The following EXOC4 variants were observed in gnomAD, a reference collection of about 807,000 sequenced individuals.
The protein encoded by EXOC4 is exocyst complex component 4.
In EXOC4, 71 loss-of-function variants were observed where a neutral mutation model predicts 107.2. That is an observed-to-expected ratio of 0.66 (90% CI 0.55 to 0.81). The LOEUF is 0.81. EXOC4 is among the 30% of genes least tolerant of loss of function. EXOC4 has a pLI of 0.00. For missense variants in EXOC4, 1,108 were observed against 1,189.6 expected (o/e 0.93, Z 1.01); for synonymous variants, 456 against 441.2 (o/e 1.03, Z -0.42).
chr7:133,925,695 A>G (rs1305777462), intron 13 of EXOC4, among the ~76,000 whole-genome samples: 2 of 152,144 alleles, frequency 1.3e-5, no homozygotes, highest in African/African-American at 4.8e-5. Context: ...CTGGAGCAGA[A>G]TTTTCAGGTG....
At chr7:134,094,296 C>T in the EXOC4 span, among the ~76,000 whole-genome samples, 1 of 152,126 alleles carries the variant, frequency 6.6e-6, no homozygotes, top group Admixed American at 6.5e-5. Flanking sequence ...TCTACATACA[C>T]AGACTAGAAA....
At chr7:133,741,539 C>A (rs544531092) in intron 10 of EXOC4, among the ~76,000 whole-genome samples, 1 of 152,188 alleles carries the variant, frequency 6.6e-6, no homozygotes, top group African/African-American at 2.4e-5. Context: ...AGAGAGAAAG[C>A]CTAGGTCGTA....
chr7:133,505,733 G>A (rs937841102), intron 9 of EXOC4, among the ~76,000 whole-genome samples: 1 of 152,092 alleles, frequency 6.6e-6, no homozygotes, highest in Non-Finnish European at 1.5e-5. Context: ...TGTAACACAA[G>A]CTTAATAGTG....
At chr7:133,298,310 G>A (rs1794564384) in intron 3 of EXOC4, among the ~76,000 whole-genome samples, 1 of 152,150 alleles carries the variant, frequency 6.6e-6, no homozygotes, top group Admixed American at 6.5e-5. Flanking sequence ...CTTGCAGAGT[G>A]TGGGCGAAAT....
At chr7:133,519,984 A>G (rs1382140878) in intron 9 of EXOC4, among the ~76,000 whole-genome samples, 3 of 152,204 alleles carry the variant, frequency 2.0e-5, no homozygotes, top group Non-Finnish European at 4.4e-5. Flanking sequence ...AAGTAGTAAA[A>G]TATAACAAAT....
chr7:133,352,813 G>A (rs1795941180), intron 5 of EXOC4, among the ~76,000 whole-genome samples: 2 of 151,724 alleles, frequency 1.3e-5, no homozygotes, highest in African/African-American at 2.4e-5. Context: ...GCATTCTGTA[G>A]CATTTTTCTT....
At chr7:133,635,480 A>G (rs1013257456) in intron 10 of EXOC4, among the ~76,000 whole-genome samples, 1 of 152,212 alleles carries the variant, frequency 6.6e-6, no homozygotes, top group Admixed American at 6.5e-5. Flanking sequence ...TGAGAACACA[A>G]GTTATTTCTT....
chr7:133,842,583 C>G (rs1402759858), intron 11 of EXOC4, among the ~76,000 whole-genome samples: 4 of 152,084 alleles, frequency 2.6e-5, no homozygotes, highest in African/African-American at 9.7e-5. Flanking sequence ...ATATTTTTCC[C>G]ATAATGTAGG....
At chr7:133,484,400 T>C (rs1259269154) in intron 9 of EXOC4, among the ~76,000 whole-genome samples, 2 of 152,188 alleles carry the variant, frequency 1.3e-5, no homozygotes, top group East Asian at 3.9e-4. Flanking sequence ...TCTCTGCCGC[T>C]TCATTGTACT....
chr7:133,756,148 C>T (rs1795912537), intron 10 of EXOC4, among the ~76,000 whole-genome samples: 1 of 152,042 alleles, frequency 6.6e-6, no homozygotes, highest in Non-Finnish European at 1.5e-5. Flanking sequence ...TTCATATTTC[C>T]ATATAATTTT....
At chr7:133,363,820 C>T (rs1796186634) in intron 6 of EXOC4, among the ~76,000 whole-genome samples, 1 of 152,070 alleles carries the variant, frequency 6.6e-6, no homozygotes, top group African/African-American at 2.4e-5. Context: ...CATTTTTGTG[C>T]ACTTGCTATT....
At chr7:133,997,428 T>C (rs3735050) in intron 14 of EXOC4, 64 bp from the exon 15 acceptor site, 1,077,802 of 1,582,866 alleles carry the variant, frequency 0.68, 370,362 homozygotes, top group East Asian at 0.91. Flanking sequence ...CAAAATAATA[T>C]GTCATTTCAG....
At chr7:133,347,919 G>A (rs1383958190) in intron 5 of EXOC4, among the ~76,000 whole-genome samples, 2 of 152,262 alleles carry the variant, frequency 1.3e-5, no homozygotes, top group South Asian at 2.1e-4. Flanking sequence ...GAAAAATCAA[G>A]GGTAAGAGAA....
intron 10 of EXOC4, among the ~76,000 whole-genome samples, chr7:133,712,282 A>T (rs931771281): frequency 1.3e-5 from 2 of 151,934 alleles, no homozygotes; most frequent in Admixed American, 6.6e-5. Flanking sequence ...TCTACTAAAA[A>T]TACGAAATTA....
chr7:133,904,077 T>A (rs1234118634), intron 12 of EXOC4, among the ~76,000 whole-genome samples: 1 of 152,090 alleles, frequency 6.6e-6, no homozygotes, highest in Non-Finnish European at 1.5e-5. Context: ...GGCAAAACTT[T>A]TGCACTGAGT....
intron 14 of EXOC4, among the ~76,000 whole-genome samples, chr7:133,985,718 A>G (rs1316767199): frequency 6.6e-6 from 1 of 152,202 alleles, no homozygotes; most frequent in Non-Finnish European, 1.5e-5. Context: ...TTAAATTTAG[A>G]CATTCATCTC....
chr7:133,451,554 T>C (rs562022812), intron 7 of EXOC4, among the ~76,000 whole-genome samples: 1 of 152,292 alleles, frequency 6.6e-6, no homozygotes, highest in South Asian at 2.1e-4. Context: ...TTTTCTTTCA[T>C]TTGTTTGATG....
At chr7:134,020,733 G>A (rs1230570025) in intron 17 of EXOC4, among the ~76,000 whole-genome samples, 3 of 152,058 alleles carry the variant, frequency 2.0e-5, no homozygotes, top group African/African-American at 7.2e-5. Context: ...TGCCTGAAAT[G>A]GCAGCACTTT....
chr7:133,900,322 G>A (rs1247931839), intron 12 of EXOC4, among the ~76,000 whole-genome samples: 4 of 152,214 alleles, frequency 2.6e-5, no homozygotes, highest in African/African-American at 9.6e-5. Flanking sequence ...ATGCCTTGCT[G>A]TGGGAGGAAG....
Sources: gnomAD v4.1 joint callset for allele counts (sites outside exome capture counted in the v4.1 genomes callset) on GRCh38, gnomAD v4.1.1 for gene constraint, MANE v1.5 for transcripts, NCBI Gene and HGNC (gene_info 2026-07-23, HGNC 2026-07-21) for gene names.